TBCC: variants seen among roughly 807,000 people sequenced by gnomAD.
The protein encoded by TBCC is tubulin folding cofactor C, also known as tubulin-specific chaperone C.
TBCC carries 25 observed loss-of-function variants against 25.3 expected under a neutral mutation model. That is an observed-to-expected ratio of 0.99 (90% CI 0.72 to 1.38). The LOEUF (loss-of-function observed/expected upper bound fraction) is 1.38. Among genes scored for constraint, TBCC ranks in the 40% most tolerant of loss-of-function variants. The pLI is 0.00. For missense variants in TBCC, 507 were observed against 447.2 expected (o/e 1.13, Z -1.21); for synonymous variants, 226 against 192.8 (o/e 1.17, Z -1.43).
chr6:42,745,356 CCGGA>C lies in TBCC; in HGVS notation c.714_717del (p.Pro239CysfsTer36). 6.2e-7 allele frequency: 1 copy of C among 1,614,266 alleles called. No homozygotes were observed. On this transcript the variant is annotated frameshift_variant, in exon 1 of 1. Transcript: ENST00000372876. LOFTEE classifies it high-confidence loss of function. The surrounding 1 kb of genome is among the most constrained non-coding windows in gnomAD (Gnocchi z 4.2). The stretch of plus-strand genomic sequence containing the variant: ...TCCTCCAGGAAAACAGAGGTAGACA[CCGGA>C]CCGCAGAGCAGCTTGCAGCTGTGGG...
Position 42,745,740 on chromosome 6 carries a change from G to T in TBCC, c.334C>A (p.Gln112Lys), listed in dbSNP as rs780376153. 4 of 1,613,882 alleles carry T rather than the reference G, an allele frequency of 2.5e-6. No homozygotes were observed. The East Asian group carries it at 8.9e-5, about 36-fold the overall frequency. ...AGCCGCGCCAGCGCCTCTTGTCCCT[G>T]CCGCAGGTCGTAAGCGGCTAGGAAA... ...VFFLAAYDLR[Q>K]GQEALARLQA... is the part of the protein sequence containing the mutation. The change falls in exon 1 of 1, where the codon CAG becomes AAG. Residue 112 changes from glutamine (Q) to lysine (K), a missense_variant. Gln to Lys is a moderately conservative substitution (Grantham distance 53). Coordinates refer to ENST00000372876, the MANE Select transcript of TBCC (RefSeq NM_003192.3). This position sits in a 1 kb window ranked among gnomAD's most constrained non-coding sequence, Gnocchi z 4.2.
Position 42,745,242 on chromosome 6 carries a change from T to G in TBCC, c.832A>C (p.Arg278=). 1 of 1,614,222 alleles carries G rather than the reference T, an allele frequency of 6.2e-7. No individual in the cohort carries two copies. Among genetic ancestry groups the G allele is most frequent in the Non-Finnish European group, 8.5e-7 (1 of 1,180,032 alleles). The change falls in exon 1 of 1, where the codon AGG becomes CGG. Residue 278 remains arginine, a synonymous_variant. Transcript: ENST00000372876. The surrounding 1 kb of genome is among the most constrained non-coding windows in gnomAD (Gnocchi z 4.2). ...DTRIFLQVTS[R]AIVEDCSGIQ... is the part of the protein sequence containing the mutation. Reference sequence around the variant, plus strand: ...CCACTGCAGTCCTCCACGATGGCCCTGCTGGTCACCTGCAGGAAGATGCGG... The same window carrying G: ...CCACTGCAGTCCTCCACGATGGCCCGGCTGGTCACCTGCAGGAAGATGCGG...
chr6:42,745,576 C>T lies in TBCC; in HGVS notation c.498G>A (p.Gln166=). 6.2e-7 allele frequency: 1 copy of T among 1,612,382 alleles called. No individual in the cohort carries two copies. The highest frequency in any genetic ancestry group is 8.5e-7 in the Non-Finnish European group (1 of 1,179,164). Residue 166 remains glutamine (Q), a synonymous_variant, in exon 1 of 1, where the codon CAG becomes CAA. Coordinates refer to ENST00000372876, the MANE Select transcript of TBCC (RefSeq NM_003192.3). The surrounding 1 kb of genome is among the most constrained non-coding windows in gnomAD (Gnocchi z 4.2). ...PGIPPAVESI[Q]DSPLPKKAEG... ...CCGCCTTCTTGGGCAGCGGGGAGTC[C>T]TGTATGCTTTCAACTGCCGGGGGGA...
Position 42,745,209 on chromosome 6 carries a change from A to AC in TBCC, c.864dup (p.Phe289ValfsTer22). 1 of 1,614,156 alleles carries AC rather than the reference A, an allele frequency of 6.2e-7. No homozygotes were observed. ...GGGTAGCTCCAGGTGTAAGGGGCGA[A>AC]CTGGATCCCACTGCAGTCCTCCACG... On this transcript the variant is annotated frameshift_variant, in exon 1 of 1. Coordinates refer to ENST00000372876, the MANE Select transcript of TBCC (RefSeq NM_003192.3). LOFTEE classifies it high-confidence loss of function. The surrounding 1 kb of genome is among the most constrained non-coding windows in gnomAD (Gnocchi z 4.2).
At position 42,745,815 on chromosome 6, in the gene TBCC, CCTCCTCCAGCCGCTCGACCGA is replaced by C. The variant is rs1228572781; in HGVS notation, c.238_258del (p.Ser80_Glu86del). 6.2e-7 allele frequency: 1 copy of C among 1,613,160 alleles called. No individual in the cohort carries two copies. Among genetic ancestry groups the C allele is most frequent in the Non-Finnish European group, 8.5e-7 (1 of 1,180,042 alleles). On this transcript the variant is annotated inframe_deletion, in exon 1 of 1. Transcript: ENST00000372876. This position sits in a 1 kb window ranked among gnomAD's most constrained non-coding sequence, Gnocchi z 4.2. ...TGCAGCCCCTGGAGCCGAGAGGCCG[CCTCCTCCAGCCGCTCGACCGA>C]CTCCGCGCGCTCCAGAAGCTCTTCC...
chr6:42,745,332 C>T lies in TBCC; in HGVS notation c.742G>A (p.Asp248Asn), dbSNP rs1388821787. ...ACTGCCAGCACGCAGTCACTGCAGTCCTCCAGGAAAACAGAGGTAGACACC... is the reference window on the plus strand; with the variant it reads ...ACTGCCAGCACGCAGTCACTGCAGTTCTCCAGGAAAACAGAGGTAGACACC... ...GPVSTSVFLEDCSDCVLAVAC... is the reference protein window; with the variant it reads ...GPVSTSVFLENCSDCVLAVAC... Residue 248 changes from aspartate (D) to asparagine (N), a missense_variant, in exon 1 of 1, where the codon GAC (aspartate) becomes AAC (asparagine). Asp to Asn is a conservative substitution (Grantham distance 23). Coordinates refer to ENST00000372876, the MANE Select transcript of TBCC (RefSeq NM_003192.3). This position sits in a 1 kb window ranked among gnomAD's most constrained non-coding sequence, Gnocchi z 4.2. The T allele has an allele frequency of 6.2e-7, 1 of 1,614,242 alleles. No homozygotes were observed. Among genetic ancestry groups the T allele is most frequent in the Non-Finnish European group, 8.5e-7 (1 of 1,180,046 alleles).
In TBCC at chr6:42,745,204, G is replaced by C. The variant is rs755865515; in HGVS notation, c.870C>G (p.Ala290=). Residue 290 remains alanine, a synonymous_variant, in exon 1 of 1, where the codon GCC becomes GCG. Coordinates refer to ENST00000372876, the MANE Select transcript of TBCC (RefSeq NM_003192.3). The surrounding 1 kb of genome is among the most constrained non-coding windows in gnomAD (Gnocchi z 4.2). ...TCTCCGGGTAGCTCCAGGTGTAAGG[G>C]GCGAACTGGATCCCACTGCAGTCCT... ...IVEDCSGIQF[A]PYTWSYPEID... is the part of the protein sequence containing the mutation. 5.0e-6 allele frequency: 8 copies of C among 1,614,052 alleles called. No individual in the cohort carries two copies. In the South Asian group the frequency reaches 8.8e-5, roughly 18 times the overall value.
Position 42,746,089 on chromosome 6 carries a change from C to CCT in TBCC, c.-18_-17dup, listed in dbSNP as rs751173810. The stretch of plus-strand genomic sequence containing the variant: ...CGGACTCCATATTGGCTTCAAGCTT[C>CCT]CTCTCTCTTGTCTTCCTTCCTCCGG... On this transcript the variant is annotated 5_prime_UTR_variant, in exon 1 of 1. Coordinates refer to ENST00000372876, the MANE Select transcript of TBCC (RefSeq NM_003192.3). The CCT allele has an allele frequency of 6.2e-6, 10 of 1,603,140 alleles. No homozygotes were observed. Among genetic ancestry groups the CCT allele is most frequent in the Non-Finnish European group, 8.5e-6 (10 of 1,173,390 alleles).
chr6:42,744,895 A>T lies in TBCC; in HGVS notation c.*138T>A. The T allele has an allele frequency of 2.5e-6, 2 of 789,600 alleles. No homozygotes were observed. The allele number at this position is 789,600 out of a possible 1,614,324, so 48.9% of individuals were successfully genotyped here. A position where few individuals can be genotyped will look rare whatever the true frequency, so the allele number is the denominator to read the frequency against. ...TACGAATTTAATGGAAATTACAAGT[A>T]GGAGCCCATTACAATCTCTAGCCTT... is the stretch of plus-strand genomic sequence containing the variant. On this transcript the variant is annotated 3_prime_UTR_variant, in exon 1 of 1. Coordinates refer to ENST00000372876, the MANE Select transcript of TBCC (RefSeq NM_003192.3).
In TBCC at chr6:42,745,171, C is replaced by G. The variant is rs774705277; in HGVS notation, c.903G>C (p.Lys301Asn). The change falls in exon 1 of 1, where the codon AAG becomes AAC. Residue 301 changes from lysine (K) to asparagine (N), a missense_variant. Lys to Asn is a moderately conservative substitution (Grantham distance 94, BLOSUM62 0). Transcript: ENST00000372876. The surrounding 1 kb of genome is among the most constrained non-coding windows in gnomAD (Gnocchi z 4.2). Reference sequence around the variant, plus strand: ...TATCTAAACCAGAGCTCTCGAAGTCCTTGTCGATCTCCGGGTAGCTCCAGG... The same window carrying G: ...TATCTAAACCAGAGCTCTCGAAGTCGTTGTCGATCTCCGGGTAGCTCCAGG... ...PYTWSYPEID[K>N]DFESSGLDRS... 2 of 1,614,084 alleles carry G rather than the reference C, an allele frequency of 1.2e-6. No individual in the cohort carries two copies. The highest frequency in any genetic ancestry group is 1.7e-6 in the Non-Finnish European group (2 of 1,180,056).
chr6:42,746,040 T>C lies in TBCC; in HGVS notation c.34A>G (p.Arg12Gly), dbSNP rs1762264628. ...ESVSCSAAAVRTGDMESQRDL... is the reference protein window; with the variant it reads ...ESVSCSAAAVGTGDMESQRDL... ...CGCTGGGACTCCATGTCTCCGGTCCTGACAGCAGCAGCGGAGCAACTGACG... is the reference window on the plus strand; with the variant it reads ...CGCTGGGACTCCATGTCTCCGGTCCCGACAGCAGCAGCGGAGCAACTGACG... The change falls in exon 1 of 1, where the codon AGG (arginine) becomes GGG (glycine). Residue 12 changes from arginine (R) to glycine (G), a missense_variant. Transcript: ENST00000372876. 2 of 1,613,762 alleles carry C rather than the reference T, an allele frequency of 1.2e-6. No individual in the cohort carries two copies. Among genetic ancestry groups the C allele is most frequent in the Admixed American group, 3.3e-5 (2 of 60,002 alleles).
chr6:42,745,568 G>A lies in TBCC; in HGVS notation c.506C>T (p.Pro169Leu), dbSNP rs747129611. 3 of 1,612,318 alleles carry A rather than the reference G, an allele frequency of 1.9e-6. No homozygotes were observed. Among genetic ancestry groups the A allele is most frequent in the Non-Finnish European group, 2.5e-6 (3 of 1,179,376 alleles). The stretch of plus-strand genomic sequence containing the variant: ...GTCTCCTTCCGCCTTCTTGGGCAGC[G>A]GGGAGTCCTGTATGCTTTCAACTGC... ...PPAVESIQDS[P>L]LPKKAEGDLG... The change falls in exon 1 of 1, where the codon CCG becomes CTG. Residue 169 changes from proline to leucine, a missense_variant. By Grantham distance (98) the Pro-to-Leu change is moderately conservative (BLOSUM62 -3). Coordinates refer to ENST00000372876, the MANE Select transcript of TBCC (RefSeq NM_003192.3). The surrounding 1 kb of genome is among the most constrained non-coding windows in gnomAD (Gnocchi z 4.2).
At position 42,745,684 on chromosome 6, in the gene TBCC, C is replaced by A. The variant is rs1353130235; in HGVS notation, c.390G>T (p.Gly130=). The change falls in exon 1 of 1, where the codon GGG becomes GGT. Residue 130 remains glycine (G), a synonymous_variant. Coordinates refer to ENST00000372876, the MANE Select transcript of TBCC (RefSeq NM_003192.3). This position sits in a 1 kb window ranked among gnomAD's most constrained non-coding sequence, Gnocchi z 4.2. ...LQAALAERRR[G]LQPKKRFAFK... Reference sequence around the variant, plus strand: ...AAGCGAAACGCTTCTTGGGCTGCAGCCCCCGGCGCCGCTCGGCCAAGGCCG... The same window carrying A: ...AAGCGAAACGCTTCTTGGGCTGCAGACCCCGGCGCCGCTCGGCCAAGGCCG... The A allele has an allele frequency of 3.1e-6, 5 of 1,611,008 alleles. No individual in the cohort carries two copies. The highest frequency in any genetic ancestry group is 1.1e-5 in the South Asian group (1 of 90,958).
chr6:42,745,705 G>A lies in TBCC; in HGVS notation c.369C>T (p.Ala123=). The change falls in exon 1 of 1, where the codon GCC becomes GCT. Residue 123 remains alanine, a synonymous_variant. Transcript: ENST00000372876. The surrounding 1 kb of genome is among the most constrained non-coding windows in gnomAD (Gnocchi z 4.2). ...GQEALARLQA[A]LAERRRGLQP... is the part of the protein sequence containing the mutation. ...GCAGCCCCCGGCGCCGCTCGGCCAAGGCCGCCTGCAGCCGCGCCAGCGCCT... is the reference window on the plus strand; with the variant it reads ...GCAGCCCCCGGCGCCGCTCGGCCAAAGCCGCCTGCAGCCGCGCCAGCGCCT... 6.2e-7 allele frequency: 1 copy of A among 1,612,820 alleles called. No homozygotes were observed. Among genetic ancestry groups the A allele is most frequent in the African/African-American group, 1.3e-5 (1 of 75,026 alleles).
chr6:42,746,063 A>T lies in TBCC; in HGVS notation c.11T>A (p.Val4Asp), dbSNP rs781781329. MES[V>D]SCSAAAVRTG... is the part of the protein sequence containing the mutation. ...CCTGACAGCAGCAGCGGAGCAACTG[A>T]CGGACTCCATATTGGCTTCAAGCTT... The change falls in exon 1 of 1, where the codon GTC (valine) becomes GAC (aspartate). Residue 4 changes from valine to aspartate, a missense_variant. By Grantham distance (152) the Val-to-Asp change is radical (BLOSUM62 -3). Transcript: ENST00000372876. 6.2e-7 allele frequency: 1 copy of T among 1,612,846 alleles called. No individual in the cohort carries two copies. The highest frequency in any genetic ancestry group is 8.5e-7 in the Non-Finnish European group (1 of 1,179,192).
In TBCC at chr6:42,745,364, C is replaced by T. The variant is rs748218173; in HGVS notation, c.710G>A (p.Cys237Tyr). ...GAAAACAGAGGTAGACACCGGACCGCAGAGCAGCTTGCAGCTGTGGGCCTT... is the reference window on the plus strand; with the variant it reads ...GAAAACAGAGGTAGACACCGGACCGTAGAGCAGCTTGCAGCTGTGGGCCTT... ...LTKAHSCKLL[C>Y]GPVSTSVFLE... Residue 237 changes from cysteine to tyrosine, a missense_variant, in exon 1 of 1, where the codon TGC becomes TAC. By Grantham distance (194) the Cys-to-Tyr change is radical. Coordinates refer to ENST00000372876, the MANE Select transcript of TBCC (RefSeq NM_003192.3). This position sits in a 1 kb window ranked among gnomAD's most constrained non-coding sequence, Gnocchi z 4.2. 3 of 1,614,248 alleles carry T rather than the reference C, an allele frequency of 1.9e-6. No homozygotes were observed. Among genetic ancestry groups the T allele is most frequent in the South Asian group, 1.1e-5 (1 of 91,088 alleles).
At position 42,745,352 on chromosome 6, in the gene TBCC, G is replaced by C. The variant is rs780575296; in HGVS notation, c.722C>G (p.Ser241Cys). ...HSCKLLCGPV[S>C]TSVFLEDCSD... The stretch of plus-strand genomic sequence containing the variant: ...GCAGTCCTCCAGGAAAACAGAGGTA[G>C]ACACCGGACCGCAGAGCAGCTTGCA... The change falls in exon 1 of 1, where the codon TCT (serine) becomes TGT (cysteine). Residue 241 changes from serine to cysteine, a missense_variant. Coordinates refer to ENST00000372876, the MANE Select transcript of TBCC (RefSeq NM_003192.3). The surrounding 1 kb of genome is among the most constrained non-coding windows in gnomAD (Gnocchi z 4.2). The C allele has an allele frequency of 1.4e-5, 23 of 1,614,122 alleles. No homozygotes were observed. The highest frequency in any genetic ancestry group is 1.9e-5 in the Non-Finnish European group (23 of 1,180,038).
chr6:42,745,280 CTG>C lies in TBCC; in HGVS notation c.792_793del (p.His264GlnfsTer46), dbSNP rs1187974600. On this transcript the variant is annotated frameshift_variant, in exon 1 of 1. Transcript: ENST00000372876. LOFTEE classifies it high-confidence loss of function. This position sits in a 1 kb window ranked among gnomAD's most constrained non-coding sequence, Gnocchi z 4.2. ...CAGGAAGATGCGGGTGTCTTTCGTA[CTG>C]TGTATGCGGAGCTGTTGGCAGGCCA... is the stretch of plus-strand genomic sequence containing the variant. 6.2e-7 allele frequency: 1 copy of C among 1,614,222 alleles called. No individual in the cohort carries two copies. Among genetic ancestry groups the C allele is most frequent in the Admixed American group, 1.7e-5 (1 of 60,026 alleles).
chr6:42,745,563 G>T lies in TBCC; in HGVS notation c.511C>A (p.Pro171Thr). The T allele has an allele frequency of 6.2e-7, 1 of 1,612,344 alleles. No individual in the cohort carries two copies. The highest frequency in any genetic ancestry group is 8.5e-7 in the Non-Finnish European group (1 of 1,179,368). ...AVESIQDSPLPKKAEGDLGPS... is the reference protein window; with the variant it reads ...AVESIQDSPLTKKAEGDLGPS... ...CCGAGGTCTCCTTCCGCCTTCTTGGGCAGCGGGGAGTCCTGTATGCTTTCA... is the reference window on the plus strand; with the variant it reads ...CCGAGGTCTCCTTCCGCCTTCTTGGTCAGCGGGGAGTCCTGTATGCTTTCA... The change falls in exon 1 of 1, where the codon CCC (proline) becomes ACC (threonine). Residue 171 changes from proline (P) to threonine (T), a missense_variant. By Grantham distance (38) the Pro-to-Thr change is conservative. Transcript: ENST00000372876. The surrounding 1 kb of genome is among the most constrained non-coding windows in gnomAD (Gnocchi z 4.2).
Sources: gnomAD v4.1 joint callset for allele counts on GRCh38, gnomAD v4.1.1 for gene constraint, Gnocchi (gnomAD v3.1) non-coding constraint, MANE v1.5 for transcripts, NCBI Gene and HGNC (gene_info 2026-07-23, HGNC 2026-07-21) for gene names.